MYBBP1A: variants seen among roughly 807,000 people sequenced by gnomAD.
MYBBP1A encodes myb-binding protein 1A.
Under a neutral mutation model 136.3 loss-of-function variants are expected in MYBBP1A, and 147 were observed. That is an observed-to-expected ratio of 1.08 (90% CI 0.94 to 1.24). The LOEUF is 1.24. MYBBP1A is among the 50% of genes most tolerant of loss of function. MYBBP1A has a pLI of 0.00. For missense variants in MYBBP1A, 2,060 were observed against 1,727.4 expected (o/e 1.19, Z -3.41); for synonymous variants, 947 against 735.8 (o/e 1.29, Z -4.65).
rs1365759237 is a variant in MYBBP1A, at chr17:4,552,837, C to CTTTT, written c.562-212_562-211insAAAA. On this transcript the variant is annotated intron_variant, in intron 5 of 25. Transcript: ENST00000254718. This position sits in a 1 kb window ranked among gnomAD's most constrained non-coding sequence, Gnocchi z 4.7. ...CCCTGGAGGTACCTGCCCCCCACCC[C>CTTTT]TTATTTTTTTTTTTTAAGACAGAGT... Among the ~76,000 whole-genome samples the CTTTT allele has an allele frequency of 1.1e-3, 50 of 43,628 alleles. No homozygotes were observed. Among genetic ancestry groups the CTTTT allele is most frequent in the African/African-American group, 2.1e-3 (43 of 20,222 alleles). The allele number at this position is 43,628 out of a possible 152,430, so 28.6% of individuals were successfully genotyped here. A position where few individuals can be genotyped will look rare whatever the true frequency, so the allele number is the denominator to read the frequency against.
intron 13 of MYBBP1A, 148 bp downstream of exon 13, chr17:4,547,810 G>T (rs1907131802): frequency 1.6e-6 from 1 of 610,672 alleles, no homozygotes; most frequent in Non-Finnish European, 2.7e-6. Context: ...GTTTCCACCT[G>T]TGACAAAGTT....
In MYBBP1A at chr17:4,539,958, C is replaced by T. The variant is rs779869099; in HGVS notation, c.3444G>A (p.Lys1148=). The part of the protein sequence containing the change: ...AMKTLGVQRP[K]LEKKDAKEIP... ...TCTCCTTGGCATCCTTCTTCTCCAA[C>T]TTGGGGCGCCTGAAGGGAAGTGAGC... Residue 1148 remains lysine, a synonymous_variant, in exon 26 of 26, where the codon AAG becomes AAA. Transcript: ENST00000254718. The T allele has an allele frequency of 6.3e-7, 1 of 1,598,160 alleles. No homozygotes were observed. The highest frequency in any genetic ancestry group is 8.5e-7 in the Non-Finnish European group (1 of 1,179,258).
At chr17:4,553,439 C>T (rs1037622725) in intron 5 of MYBBP1A, among the ~76,000 whole-genome samples, 1 of 152,238 alleles carries the variant, frequency 6.6e-6, no homozygotes, top group Non-Finnish European at 1.5e-5. Flanking sequence ...CTGCCCAATA[C>T]GGTAGCCACA....
chr17:4,554,161 C>T (rs1166437111), intron 3 of MYBBP1A, 34 bp downstream of exon 3: 1 of 1,612,420 alleles, frequency 6.2e-7, no homozygotes, highest in Non-Finnish European at 8.5e-7. Flanking sequence ...CCTCCCACCC[C>T]TGGGGCTGCT....
rs767640756 is a variant in MYBBP1A, at chr17:4,549,434, C to A, written c.1328G>T (p.Arg443Leu). The A allele has an allele frequency of 6.2e-7, 1 of 1,612,716 alleles. No individual in the cohort carries two copies. Residue 443 changes from arginine (R) to leucine (L), a missense_variant, in exon 10 of 26, where the codon CGA (arginine) becomes CTA (leucine). By Grantham distance (102) the Arg-to-Leu change is moderately radical. Transcript: ENST00000254718. Reference sequence around the variant, plus strand: ...CCATTTCCTCAGCCGGAACACAGCTCGCTCAGGCCTAGCGGGGCAGGAGGC... The same window carrying A: ...CCATTTCCTCAGCCGGAACACAGCTAGCTCAGGCCTAGCGGGGCAGGAGGC... ...AQDSSLHMPE[R>L]AVFRLRKWII...
rs748517767 is a variant in MYBBP1A, at chr17:4,539,558, G to A, written c.3844C>T (p.Pro1282Ser). 1 of 1,614,140 alleles carries A rather than the reference G, an allele frequency of 6.2e-7. No individual in the cohort carries two copies. The highest frequency in any genetic ancestry group is 1.1e-5 in the South Asian group (1 of 91,070). ...GATTTGCCCAAGACCCCCTTTTTGG[G>A]AAGAGCCTTCTGATGCTGCTTTTGG... ...AGQKQHQKALPKKGVLGKSPL... is the reference protein window; with the variant it reads ...AGQKQHQKALSKKGVLGKSPL... Residue 1282 changes from proline (P) to serine (S), a missense_variant, in exon 26 of 26, where the codon CCC becomes TCC. Pro to Ser is a moderately conservative substitution (Grantham distance 74). Coordinates refer to ENST00000254718, the MANE Select transcript of MYBBP1A (RefSeq NM_014520.4).
intron 22 of MYBBP1A, chr17:4,542,168 T>A (rs1906494518): frequency 1.7e-6 from 1 of 585,128 alleles, no homozygotes; most frequent in South Asian, 2.2e-5. Context: ...CCAACAGCCC[T>A]GGCACCAGAG....
rs774539167 is a variant in MYBBP1A, at chr17:4,538,962, G to C, written c.*453C>G. ...CCTTTATTTTTTAGAGCTGCTGATTGTGAATCTCAGAGTCTTAAGAGAGAA... is the reference window on the plus strand; with the variant it reads ...CCTTTATTTTTTAGAGCTGCTGATTCTGAATCTCAGAGTCTTAAGAGAGAA... On this transcript the variant is annotated 3_prime_UTR_variant, in exon 26 of 26. Transcript: ENST00000254718. 3 of 787,674 alleles carry C rather than the reference G, an allele frequency of 3.8e-6. No homozygotes were observed. The East Asian group carries it at 7.3e-5, about 19-fold the overall frequency. The allele number at this position is 787,674 out of a possible 1,614,324, so 48.8% of individuals were successfully genotyped here. A position where few individuals can be genotyped will look rare whatever the true frequency, so the allele number is the denominator to read the frequency against.
chr17:4,542,173 C>T (rs1906495034), intron 22 of MYBBP1A: 1 of 586,278 alleles, frequency 1.7e-6, no homozygotes, highest in African/African-American at 1.9e-5. Flanking sequence ...AGCCCTGGCA[C>T]CAGAGCAGAC....
intron 19 of MYBBP1A, among the ~76,000 whole-genome samples, chr17:4,543,893 A>AGC (rs1906703882): frequency 6.6e-6 from 1 of 151,616 alleles, no homozygotes. Context: ...ACCCTTCCCC[A>AGC]CGCCACTGCT....
intron 9 of MYBBP1A, 38 bp from the exon 10 acceptor site, chr17:4,549,480 T>C (rs372057014): frequency 7.0e-5 from 111 of 1,583,980 alleles, no homozygotes; most frequent in African/African-American, 4.0e-5. Flanking sequence ...GAGCCACTTA[T>C]AACTGGCAGA....
rs1296855924 is a variant in MYBBP1A, at chr17:4,543,035, A to AGTGGTAGAGGGCG, written c.2757_2769dup (p.Phe924ArgfsTer21). On this transcript the variant is annotated frameshift_variant, in exon 20 of 26. Transcript: ENST00000254718. LOFTEE classifies it high-confidence loss of function. The stretch of plus-strand genomic sequence containing the variant: ...CGGAGCAGGTAGAGAGAGGCGTTGA[A>AGTGGTAGAGGGCG]GTGGTAGAGGGCGGTGGGGGAGTCG... 6.2e-7 allele frequency: 1 copy of AGTGGTAGAGGGCG among 1,613,616 alleles called. No homozygotes were observed. The highest frequency in any genetic ancestry group is 8.5e-7 in the Non-Finnish European group (1 of 1,179,950).
At chr17:4,544,203 AGGG>A (rs1486693697) in intron 19 of MYBBP1A, among the ~76,000 whole-genome samples, 14 of 140,550 alleles carry the variant, frequency 1.0e-4, no homozygotes, top group Non-Finnish European at 1.5e-4. Context: ...CCCCAGCTCC[AGGG>A]CACTGTTGGC....
chr17:4,544,345 G>T, intron 19 of MYBBP1A, 144 bp downstream of exon 19: 1 of 1,059,742 alleles, frequency 9.4e-7, no homozygotes, highest in Non-Finnish European at 1.3e-6. Context: ...TGCCTCTAGG[G>T]CTGAGCAGTG....
At chr17:4,547,853 G>T in intron 13 of MYBBP1A, 105 bp downstream of exon 13, 1 of 1,040,652 alleles carries the variant, frequency 9.6e-7, no homozygotes, top group Non-Finnish European at 1.3e-6. Context: ...AACTCCCCCA[G>T]AACCTTTCCT....
chr17:4,550,707 G>C (rs944289048), intron 8 of MYBBP1A, among the ~76,000 whole-genome samples: 6 of 152,374 alleles, frequency 3.9e-5, no homozygotes, highest in African/African-American at 1.4e-4. Context: ...CTCAACGCAG[G>C]GCAGAGTGGT....
At position 4,543,021 on chromosome 17, in the gene MYBBP1A, G is replaced by A. The variant is rs1161812424; in HGVS notation, c.2784C>T (p.Leu928=). 1.9e-6 allele frequency: 3 copies of A among 1,613,822 alleles called. No homozygotes were observed. The highest frequency in any genetic ancestry group is 2.2e-5 in the East Asian group (1 of 44,872). Residue 928 remains leucine, a synonymous_variant, in exon 20 of 26, where the codon CTC becomes CTT. Transcript: ENST00000254718. ...PTALYHFNAS[L]YLLRVLKGNT... ...TGCCCTTCAAGACCCGGAGCAGGTA[G>A]AGAGAGGCGTTGAAGTGGTAGAGGG...
intron 2 of MYBBP1A, 56 bp from the exon 3 acceptor site, chr17:4,554,334 T>A: frequency 2.0e-6 from 3 of 1,502,870 alleles, no homozygotes; most frequent in Non-Finnish European, 2.8e-6. Flanking sequence ...CCCAACTACG[T>A]CTTCACAAAC....
chr17:4,552,429 A>G lies in MYBBP1A; in HGVS notation c.737+22T>C. ...CAGTCCCTTGGCCCCAGGGAGGGCA[A>G]ATCCGCCCACCTCCATCACACCTGG... On this transcript the variant is annotated intron_variant, in intron 6 of 25. Transcript: ENST00000254718. This position sits in a 1 kb window ranked among gnomAD's most constrained non-coding sequence, Gnocchi z 4.7. 6.2e-7 allele frequency: 1 copy of G among 1,610,086 alleles called. No homozygotes were observed. Among genetic ancestry groups the G allele is most frequent in the Non-Finnish European group, 8.5e-7 (1 of 1,178,852 alleles).
Sources: gnomAD v4.1 joint callset for allele counts (sites outside exome capture counted in the v4.1 genomes callset) on GRCh38, gnomAD v4.1.1 for gene constraint, Gnocchi (gnomAD v3.1) non-coding constraint, MANE v1.5 for transcripts, NCBI Gene and HGNC (gene_info 2026-07-23, HGNC 2026-07-21) for gene names.